ARHGAP10: variants seen among roughly 807,000 people sequenced by gnomAD.
The protein encoded by ARHGAP10 is rho GTPase-activating protein 10.
In ARHGAP10, 87 loss-of-function variants were observed where a neutral mutation model predicts 108.6. The ratio of observed to expected loss-of-function variants is 0.80; its 90% CI spans 0.67 to 0.96. The LOEUF (loss-of-function observed/expected upper bound fraction) is 0.96. Among genes scored for constraint, ARHGAP10 ranks in the 40% least tolerant of loss-of-function variants. The probability of loss-of-function intolerance (pLI) is 0.00; values close to 1 mark genes in which losing one functional copy is unlikely to be tolerated. For missense variants in ARHGAP10, 939 were observed against 954.5 expected (o/e 0.98, Z 0.21); for synonymous variants, 347 against 341.1 (o/e 1.02, Z -0.19).
chr4:147,900,919 C>T (rs527498508), intron 10 of ARHGAP10, among the ~76,000 whole-genome samples: 245 of 152,314 alleles, frequency 1.6e-3, no homozygotes, highest in African/African-American at 5.7e-3. Flanking sequence ...CCTCCTGCCT[C>T]AGCTTCCCAA....
At chr4:147,752,679 C>T (rs891933546) in intron 1 of ARHGAP10, among the ~76,000 whole-genome samples, 6 of 152,070 alleles carry the variant, frequency 3.9e-5, no homozygotes, top group Admixed American at 1.3e-4. Context: ...AGGTGTGCGC[C>T]GCCATGCCTG....
chr4:148,072,263 G>C lies in ARHGAP10; in HGVS notation c.*182G>C, dbSNP rs995865744. The stretch of plus-strand genomic sequence containing the variant: ...GGGCAGGGATGGGACGCACCACACA[G>C]AACTGTGATTGTGGATCAGGAGGGG... On this transcript the variant is annotated 3_prime_UTR_variant, in exon 23 of 23. Transcript: ENST00000336498. 4.0e-6 allele frequency: 2 copies of C among 500,254 alleles called. No individual in the cohort carries two copies. The highest frequency in any genetic ancestry group is 7.0e-6 in the Non-Finnish European group (2 of 287,108). The allele number at this position is 500,254 out of a possible 1,614,324, so 31.0% of individuals were successfully genotyped here.
chr4:148,021,797 A>G (rs1276241416), intron 18 of ARHGAP10, among the ~76,000 whole-genome samples: 1 of 152,210 alleles, frequency 6.6e-6, no homozygotes, highest in East Asian at 1.9e-4. Flanking sequence ...CTATTGGAAC[A>G]CAGATTTTGT....
chr4:147,765,938 C>T (rs1411073025), intron 1 of ARHGAP10, among the ~76,000 whole-genome samples: 3 of 152,078 alleles, frequency 2.0e-5, no homozygotes, highest in Non-Finnish European at 4.4e-5. Flanking sequence ...GGGATTAGTT[C>T]CAGGAACCCC....
chr4:147,825,599 C>G (rs1163518850), intron 3 of ARHGAP10, among the ~76,000 whole-genome samples: 2 of 152,136 alleles, frequency 1.3e-5, no homozygotes, highest in African/African-American at 4.8e-5. Flanking sequence ...TTCTGGCACA[C>G]ACTGACAGAT....
intron 15 of ARHGAP10, among the ~76,000 whole-genome samples, chr4:147,951,288 G>A (rs751812027): frequency 4.0e-5 from 6 of 151,566 alleles, no homozygotes; most frequent in Admixed American, 1.3e-4. Context: ...TTCTCTGCTA[G>A]ATAACCATTT....
chr4:148,061,486 T>C (rs911597201), intron 20 of ARHGAP10, among the ~76,000 whole-genome samples: 18 of 152,314 alleles, frequency 1.2e-4, no homozygotes, highest in African/African-American at 3.6e-4. Context: ...TGGAGTGACT[T>C]TTGTGACTGT....
At chr4:147,789,089 C>T (rs901446404) in intron 1 of ARHGAP10, among the ~76,000 whole-genome samples, 3 of 152,188 alleles carry the variant, frequency 2.0e-5, no homozygotes, top group Admixed American at 1.3e-4. Flanking sequence ...CCCCTCTTAG[C>T]GTCTCCCACT....
chr4:147,838,484 C>A (rs77097440), intron 3 of ARHGAP10, among the ~76,000 whole-genome samples: 2,605 of 79,080 alleles, frequency 0.033, 43 homozygotes, highest in South Asian at 0.079. Context: ...AAAAAAAAAA[C>A]ACACACACAC....
At chr4:148,018,555 G>A (rs1741435749) in intron 18 of ARHGAP10, among the ~76,000 whole-genome samples, 1 of 149,666 alleles carries the variant, frequency 6.7e-6, no homozygotes, top group South Asian at 2.1e-4. Context: ...GACCATCAGA[G>A]CATGGCTTTG....
intron 22 of ARHGAP10, among the ~76,000 whole-genome samples, chr4:148,067,821 G>A (rs952979335): frequency 1.3e-5 from 2 of 152,180 alleles, no homozygotes; most frequent in South Asian, 4.1e-4. Context: ...GTTGGCACAG[G>A]GGTCTTTAGC....
chr4:148,002,603 T>G (rs1242155095), intron 18 of ARHGAP10, among the ~76,000 whole-genome samples: 1 of 152,198 alleles, frequency 6.6e-6, no homozygotes, highest in Non-Finnish European at 1.5e-5. Flanking sequence ...CTGTTATTGG[T>G]CTATTCGGGG....
chr4:148,016,974 C>G (rs892543202), intron 18 of ARHGAP10, among the ~76,000 whole-genome samples: 7 of 141,940 alleles, frequency 4.9e-5, no homozygotes, highest in Non-Finnish European at 7.6e-5. Context: ...GGTGAAACCT[C>G]ATCTCTATTA....
At chr4:147,829,417 G>A (rs1326341251) in intron 3 of ARHGAP10, among the ~76,000 whole-genome samples, 6 of 151,848 alleles carry the variant, frequency 4.0e-5, no homozygotes, top group Admixed American at 3.9e-4. Context: ...TCAAACTCCT[G>A]ACCTCGGGTG....
At chr4:147,986,487 T>C (rs1204780317) in intron 18 of ARHGAP10, among the ~76,000 whole-genome samples, 1 of 152,164 alleles carries the variant, frequency 6.6e-6, no homozygotes, top group African/African-American at 2.4e-5. Flanking sequence ...GTTAACTGAT[T>C]TTTACAGCTA....
chr4:147,797,579 A>C (rs1293891953), intron 1 of ARHGAP10, among the ~76,000 whole-genome samples: 1 of 151,804 alleles, frequency 6.6e-6, no homozygotes. Flanking sequence ...CACCCAGCTA[A>C]ATTTTGTATT....
At chr4:148,024,857 T>G (rs1448424101) in intron 19 of ARHGAP10, among the ~76,000 whole-genome samples, 3 of 152,114 alleles carry the variant, frequency 2.0e-5, no homozygotes, top group African/African-American at 7.2e-5. Context: ...TAATAAATAG[T>G]GAAATAAGCA....
chr4:148,069,460 C>T (rs1730056695), intron 22 of ARHGAP10, among the ~76,000 whole-genome samples: 1 of 152,122 alleles, frequency 6.6e-6, no homozygotes, highest in African/African-American at 2.4e-5. Context: ...TGGGGAGATG[C>T]AGGATTCCCG....
Position 147,902,912 on chromosome 4 carries a change from G to A in ARHGAP10, c.1035-3726G>A, listed in dbSNP as rs144209532. Among the ~76,000 whole-genome samples, 8 of 151,528 alleles carry A rather than the reference G, an allele frequency of 5.3e-5. No homozygotes were observed. The East Asian group carries it at 7.8e-4, about 15-fold the overall frequency. Reference sequence around the variant, plus strand: ...GATCAGGGGGAAGAGAGAGAGAAGTGGGAGGGGAGGGCGGGGGTGTGTGGG... The same window carrying A: ...GATCAGGGGGAAGAGAGAGAGAAGTAGGAGGGGAGGGCGGGGGTGTGTGGG... On this transcript the variant is annotated intron_variant, in intron 10 of 22. Transcript: ENST00000336498.
Sources: gnomAD v4.1 joint callset for allele counts (sites outside exome capture counted in the v4.1 genomes callset) on GRCh38, gnomAD v4.1.1 for gene constraint, MANE v1.5 for transcripts, NCBI Gene and HGNC (gene_info 2026-07-23, HGNC 2026-07-21) for gene names.